PRKD1: variants seen among roughly 807,000 people sequenced by gnomAD.
PRKD1 encodes the protein protein kinase D1.
Under a neutral mutation model 95.9 loss-of-function variants are expected in PRKD1, and 63 were observed. The ratio of observed to expected loss-of-function variants is 0.66; its 90% CI spans 0.54 to 0.81. The LOEUF (loss-of-function observed/expected upper bound fraction) is 0.81, where lower values mean the gene tolerates loss of function less well. Ranked by LOEUF, PRKD1 falls within the 30% of genes least tolerant of loss-of-function variation. PRKD1 has a pLI of 0.00. For synonymous variants in PRKD1, 425 were observed against 423.1 expected (o/e 1.00, Z -0.05); for missense variants, 1,048 against 1,165.3 (o/e 0.90, Z 1.47).
At chr14:29,656,419 C>T (rs182231700) in intron 4 of PRKD1, 293 of 1,450,870 alleles carry the variant, frequency 2.0e-4, no homozygotes, top group Middle Eastern at 8.6e-4. Flanking sequence ...GCGTAATATG[C>T]TGGTTTGAAA....
intron 2 of PRKD1, among the ~76,000 whole-genome samples, chr14:29,695,547 C>G (rs1884468328): frequency 6.6e-6 from 1 of 152,136 alleles, no homozygotes; most frequent in Non-Finnish European, 1.5e-5. Flanking sequence ...AGCTGTAGAT[C>G]GAGCAACAGA....
At chr14:29,875,104 CT>C (rs1255389590) in intron 1 of PRKD1, among the ~76,000 whole-genome samples, 1 of 152,030 alleles carries the variant, frequency 6.6e-6, no homozygotes, top group African/African-American at 2.4e-5. Flanking sequence ...TATATTAATT[CT>C]TTATACTTGT....
chr14:29,872,228 C>T (rs1034048296), intron 1 of PRKD1, among the ~76,000 whole-genome samples: 11 of 151,956 alleles, frequency 7.2e-5, no homozygotes, highest in African/African-American at 2.7e-4. Context: ...GCTATTCACG[C>T]AATTAAAAAA....
At chr14:29,882,878 C>G (rs6571323) in intron 1 of PRKD1, among the ~76,000 whole-genome samples, 1 of 151,786 alleles carries the variant, frequency 6.6e-6, no homozygotes, top group African/African-American at 2.4e-5. Flanking sequence ...TGTGTGTGCA[C>G]GTGTATACCA....
chr14:29,825,650 C>A (rs527474589), intron 1 of PRKD1, among the ~76,000 whole-genome samples: 148 of 152,158 alleles, frequency 9.7e-4, no homozygotes, highest in African/African-American at 3.5e-3. Context: ...GCATTTTAGT[C>A]CTCTTAGTTA....
chr14:29,919,861 G>A (rs937528387), intron 1 of PRKD1, among the ~76,000 whole-genome samples: 2 of 152,066 alleles, frequency 1.3e-5, no homozygotes, highest in Non-Finnish European at 2.9e-5. Flanking sequence ...AGCTACTCGG[G>A]AGGCTGAGGT....
At chr14:29,708,933 T>C (rs1885212444) in intron 2 of PRKD1, among the ~76,000 whole-genome samples, 2 of 152,112 alleles carry the variant, frequency 1.3e-5, no homozygotes, top group Admixed American at 1.3e-4. Flanking sequence ...GATAGCAAAA[T>C]TTTTTATATT....
In PRKD1 at chr14:29,638,845, G is replaced by A; in HGVS notation, c.756C>T (p.Tyr252=). The A allele has an allele frequency of 7.5e-6, 10 of 1,326,860 alleles. No homozygotes were observed. Among genetic ancestry groups the A allele is most frequent in the Non-Finnish European group, 1.0e-5 (10 of 977,330 alleles). The allele number at this position is 1,326,860 out of a possible 1,614,324, so 82.2% of individuals were successfully genotyped here. Residue 252 remains tyrosine (Y), a synonymous_variant, in exon 5 of 18, where the codon TAC becomes TAT. Transcript: ENST00000331968. ...GREKRSNSQS[Y]IGRPIHLDKI... The stretch of plus-strand genomic sequence containing the variant: ...TGTCAAGGTGAATTGGTCGTCCAAT[G>A]TATGATTGAGAATTTGACCTCTTCT...
intron 1 of PRKD1, among the ~76,000 whole-genome samples, chr14:29,903,286 CA>C (rs1445499279): frequency 6.6e-6 from 1 of 152,198 alleles, no homozygotes; most frequent in East Asian, 1.9e-4. Context: ...GGCATCACCA[CA>C]AATCATTCTG....
chr14:29,897,042 T>C (rs1336198499), intron 1 of PRKD1, among the ~76,000 whole-genome samples: 6 of 151,974 alleles, frequency 3.9e-5, no homozygotes, highest in Admixed American at 3.9e-4. Context: ...ATGATCCTAC[T>C]AGCCAGATAA....
chr14:29,704,910 TCA>T (rs1392433788), intron 2 of PRKD1, among the ~76,000 whole-genome samples: 3 of 152,076 alleles, frequency 2.0e-5, no homozygotes, highest in Non-Finnish European at 4.4e-5. Flanking sequence ...ACAAATAGAC[TCA>T]CACACAATTC....
intron 1 of PRKD1, among the ~76,000 whole-genome samples, chr14:29,801,693 G>A (rs1036243163): frequency 1.3e-5 from 2 of 151,682 alleles, no homozygotes; most frequent in South Asian, 2.1e-4. Flanking sequence ...TAGGGTCTAC[G>A]TGTTTTTTTT....
Position 29,597,472 on chromosome 14 carries a change from T to C in PRKD1, c.2434+19A>G. 6.4e-7 allele frequency: 1 copy of C among 1,555,016 alleles called. No individual in the cohort carries two copies. The highest frequency in any genetic ancestry group is 1.2e-5 in the South Asian group (1 of 83,684). ...AAATAAGGATTAGATTATTATCATT[T>C]TTGAATGGAAGATATTACCTTCATG... On this transcript the variant is annotated intron_variant, in intron 16 of 17. Transcript: ENST00000331968.
At chr14:29,805,652 T>G (rs565365929) in intron 1 of PRKD1, among the ~76,000 whole-genome samples, 30 of 152,338 alleles carry the variant, frequency 2.0e-4, no homozygotes, top group Non-Finnish European at 4.1e-4. Flanking sequence ...TATTGCATTT[T>G]TCAGATGTGG....
chr14:29,924,001 T>C (rs930585826), intron 1 of PRKD1, among the ~76,000 whole-genome samples: 3 of 152,144 alleles, frequency 2.0e-5, no homozygotes, highest in Admixed American at 1.3e-4. Flanking sequence ...GTGAAGTCAA[T>C]GATTGTTATT....
chr14:29,651,992 C>T (rs563021695), intron 4 of PRKD1, among the ~76,000 whole-genome samples: 8 of 152,342 alleles, frequency 5.3e-5, no homozygotes, highest in African/African-American at 1.7e-4. Context: ...GTGATCCACC[C>T]GCCTTGGCCT....
chr14:29,815,103 T>C (rs1172845284), intron 1 of PRKD1, among the ~76,000 whole-genome samples: 2 of 152,154 alleles, frequency 1.3e-5, no homozygotes, highest in Non-Finnish European at 2.9e-5. Flanking sequence ...TCACTGACTT[T>C]AACATGAAAA....
intron 1 of PRKD1, among the ~76,000 whole-genome samples, chr14:29,764,958 C>A (rs562643397): frequency 8.5e-5 from 13 of 152,242 alleles, no homozygotes; most frequent in African/African-American, 3.1e-4. Flanking sequence ...AATATAGATT[C>A]TTTTTGGAAT....
chr14:29,716,971 A>G (rs1044524726), intron 2 of PRKD1, among the ~76,000 whole-genome samples: 2 of 152,198 alleles, frequency 1.3e-5, no homozygotes, highest in Non-Finnish European at 2.9e-5. Flanking sequence ...ATTTTTGACA[A>G]TATTTAGGAG....
Sources: allele counts gnomAD v4.1 joint callset (sites outside exome capture counted in the v4.1 genomes callset), GRCh38; gene constraint gnomAD v4.1.1; transcripts MANE v1.5; gene names NCBI Gene and HGNC (gene_info 2026-07-23, HGNC 2026-07-21).